PIEZO2: variants seen among roughly 807,000 people sequenced by gnomAD.
The protein encoded by PIEZO2 is piezo type mechanosensitive ion channel component 2, also known as piezo-type mechanosensitive ion channel component 2.
A neutral mutation model predicts 337.3 loss-of-function variants in PIEZO2; 172 were observed. The ratio of observed to expected loss-of-function variants is 0.51; its 90% CI spans 0.45 to 0.58. The LOEUF (loss-of-function observed/expected upper bound fraction) is 0.58. Among genes scored for constraint, PIEZO2 ranks in the 20% least tolerant of loss-of-function variants. The pLI is 0.00. For missense variants in PIEZO2, 3,028 were observed against 3,391.3 expected, an observed-to-expected ratio of 0.89 and a Z score of 2.66; for synonymous variants, 1,251 against 1,228.5, an observed-to-expected ratio of 1.02 and a Z score of -0.38.
At chr18:10,838,514 T>C (rs1248579309) in intron 7 of PIEZO2, among the ~76,000 whole-genome samples, 1 of 152,228 alleles carries the variant, frequency 6.6e-6, no homozygotes, top group Non-Finnish European at 1.5e-5. Context: ...CTTCATATTA[T>C]GTTTGCAGGA....
chr18:10,803,997 G>A lies in PIEZO2; in HGVS notation c.1081-3C>T, dbSNP rs377348993. ...TCTTTGGTCCCCTCATCCTGCACCTGAAACACAGAAACAGGATCAGTCTTG... is the reference window on the plus strand; with the variant it reads ...TCTTTGGTCCCCTCATCCTGCACCTAAAACACAGAAACAGGATCAGTCTTG... On this transcript the variant is annotated splice_polypyrimidine_tract_variant and splice_region_variant and intron_variant, in intron 8 of 55. Transcript: ENST00000674853. The A allele has an allele frequency of 2.9e-4, 444 of 1,537,196 alleles. No individual in the cohort carries two copies. Among genetic ancestry groups the A allele is most frequent in the Non-Finnish European group, 3.8e-4 (434 of 1,146,944 alleles).
At chr18:10,698,835 T>C in intron 44 of PIEZO2, 90 bp downstream of exon 44, 4 of 1,456,768 alleles carry the variant, frequency 2.7e-6, no homozygotes, top group Non-Finnish European at 3.7e-6. Context: ...TAGCACCCAA[T>C]ACACTCCCTT....
rs551922001 is a variant in PIEZO2 at position 10,895,951 on chromosome 18, T to C, written c.329+15235A>G. Among the ~76,000 whole-genome samples the C allele has an allele frequency of 1.2e-4, 18 of 151,596 alleles. No individual in the cohort carries two copies. Among genetic ancestry groups the C allele is most frequent in the African/African-American group, 4.4e-4 (18 of 41,266 alleles). On this transcript the variant is annotated intron_variant, in intron 4 of 55. Coordinates refer to ENST00000674853, the MANE Select transcript of PIEZO2 (RefSeq NM_001378183.1). The surrounding 1 kb of genome is among the most constrained non-coding windows in gnomAD (Gnocchi z 4.8). ...GGCGTGTGCCTGTAATCCCAGCTAC[T>C]TGGGAGGCTGAGGCAAGAGAATCTC...
intron 2 of PIEZO2, among the ~76,000 whole-genome samples, chr18:11,044,069 C>T (rs1321945300): frequency 7.9e-5 from 12 of 151,840 alleles, no homozygotes. Context: ...TCCTTTCATG[C>T]ATTTTAATAA....
intron 3 of PIEZO2, among the ~76,000 whole-genome samples, chr18:10,917,531 A>G (rs998879707): frequency 1.3e-5 from 2 of 152,166 alleles, no homozygotes; most frequent in African/African-American, 4.8e-5. Context: ...AATTTTTACT[A>G]CAGAAAAAAG....
chr18:11,088,336 CCACAA>C (rs921989237), intron 1 of PIEZO2, among the ~76,000 whole-genome samples: 5 of 152,160 alleles, frequency 3.3e-5, no homozygotes, highest in Admixed American at 2.6e-4. Flanking sequence ...AAAAAAAGTG[CCACAA>C]CACATTTCTT....
intron 3 of PIEZO2, among the ~76,000 whole-genome samples, chr18:10,918,505 G>A (rs264278): frequency 0.92 from 139,439 of 152,046 alleles, 64,050 homozygotes; most frequent in East Asian, 1. Context: ...GTCATATTAT[G>A]TGAAGGGTGG....
At chr18:10,803,624 C>T (rs1377462500) in intron 9 of PIEZO2, among the ~76,000 whole-genome samples, 3 of 152,110 alleles carry the variant, frequency 2.0e-5, no homozygotes, top group Admixed American at 1.3e-4. Flanking sequence ...TTAATAGGAA[C>T]ATTCTTTTTA....
At chr18:10,922,530 A>G (rs894448481) in intron 3 of PIEZO2, among the ~76,000 whole-genome samples, 2 of 152,076 alleles carry the variant, frequency 1.3e-5, no homozygotes, top group African/African-American at 4.8e-5. Flanking sequence ...GAGGCTGACA[A>G]CACAGAGGAA....
chr18:11,052,711 A>C (rs1054988929), intron 2 of PIEZO2, among the ~76,000 whole-genome samples: 2 of 152,226 alleles, frequency 1.3e-5, no homozygotes, highest in Non-Finnish European at 2.9e-5. Flanking sequence ...CTACAAATCC[A>C]AATATAGTCT....
chr18:10,717,019 G>C (rs558403401), intron 37 of PIEZO2, among the ~76,000 whole-genome samples: 1 of 152,298 alleles, frequency 6.6e-6, no homozygotes, highest in Non-Finnish European at 1.5e-5. Flanking sequence ...AACCACAGGG[G>C]CAGTAGGGCA....
intron 11 of PIEZO2, among the ~76,000 whole-genome samples, chr18:10,798,790 C>G (rs2039700356): frequency 6.6e-6 from 1 of 152,148 alleles, no homozygotes; most frequent in African/African-American, 2.4e-5. Flanking sequence ...ACTCTTGGGC[C>G]CTGTGTGTTT....
At chr18:10,742,946 A>G (rs1399119155) in intron 31 of PIEZO2, among the ~76,000 whole-genome samples, 1 of 152,140 alleles carries the variant, frequency 6.6e-6, no homozygotes, top group South Asian at 2.1e-4. Flanking sequence ...ATCATAGCCA[A>G]TTTGAACATG....
At chr18:10,931,641 C>T (rs572982044) in intron 3 of PIEZO2, among the ~76,000 whole-genome samples, 1 of 151,916 alleles carries the variant, frequency 6.6e-6, no homozygotes, top group Non-Finnish European at 1.5e-5. Context: ...GTTACATATC[C>T]TTCAGGACTT....
At chr18:10,875,521 T>C (rs2042247083) in intron 4 of PIEZO2, among the ~76,000 whole-genome samples, 1 of 152,186 alleles carries the variant, frequency 6.6e-6, no homozygotes, top group Non-Finnish European at 1.5e-5. Flanking sequence ...TCAGGAGTAG[T>C]AGTAGGTTGG....
In PIEZO2 at chr18:11,080,921, T is replaced by G. The variant is rs552009675; in HGVS notation, c.65-14699A>C. On this transcript the variant is annotated intron_variant, in intron 1 of 55. Transcript: ENST00000674853. The surrounding 1 kb of genome is among the most constrained non-coding windows in gnomAD (Gnocchi z 5.4). ...AAGTTATCACACCTGACCAATGGAG[T>G]CAACGTCCAATAGCTTCACCAAATT... Among the ~76,000 whole-genome samples the G allele has an allele frequency of 6.6e-6, 1 of 152,050 alleles. No homozygotes were observed. Among genetic ancestry groups the G allele is most frequent in the East Asian group, 1.9e-4 (1 of 5,168 alleles).
intron 3 of PIEZO2, among the ~76,000 whole-genome samples, chr18:10,930,262 T>C (rs1207692765): frequency 1.3e-5 from 2 of 152,180 alleles, no homozygotes; most frequent in Non-Finnish European, 2.9e-5. Flanking sequence ...GACATTAGCA[T>C]CTATTGTCTC....
rs1235038342 is a variant in PIEZO2 at position 10,759,667 on chromosome 18, T to C, written c.3655+38A>G. On this transcript the variant is annotated intron_variant, in intron 25 of 55. Transcript: ENST00000674853. The surrounding 1 kb of genome is among the most constrained non-coding windows in gnomAD (Gnocchi z 5.5). ...CAGCCGTCCGCTCAGTAATGGCTTC[T>C]TCTAAAAGTAGACGGCTCAAGGGAA... The C allele has an allele frequency of 6.5e-7, 1 of 1,536,592 alleles. No individual in the cohort carries two copies. Among genetic ancestry groups the C allele is most frequent in the Non-Finnish European group, 8.7e-7 (1 of 1,146,306 alleles).
intron 36 of PIEZO2, among the ~76,000 whole-genome samples, chr18:10,730,781 C>A (rs2036733065): frequency 6.6e-6 from 1 of 152,168 alleles, no homozygotes; most frequent in Non-Finnish European, 1.5e-5. Flanking sequence ...GGCTGGAGTG[C>A]AGTGGTGCGA....
Sources: allele counts gnomAD v4.1 joint callset (sites outside exome capture counted in the v4.1 genomes callset), GRCh38; gene constraint gnomAD v4.1.1; non-coding constraint Gnocchi (gnomAD v3.1); transcripts MANE v1.5; gene names NCBI Gene and HGNC (gene_info 2026-07-23, HGNC 2026-07-21).